The following CAST variants were observed in gnomAD, a reference collection of about 807,000 sequenced individuals.
CAST encodes the protein MIR583 host.
A neutral mutation model predicts 119.6 loss-of-function variants in CAST; 76 were observed. The observed-to-expected ratio is 0.64, with a 90% confidence interval of 0.53 to 0.77. The LOEUF (loss-of-function observed/expected upper bound fraction) is 0.77, where lower values mean the gene tolerates loss of function less well. Among genes scored for constraint, CAST ranks in the 30% least tolerant of loss-of-function variants. The pLI is 0.00. For synonymous variants in CAST, 319 were observed against 331.6 expected (o/e 0.96, Z 0.41); for missense variants, 953 against 946.5 (o/e 1.01, Z -0.09).
the CAST span, among the ~76,000 whole-genome samples, chr5:96,481,289 C>A: frequency 2.6e-5 from 4 of 152,098 alleles, no homozygotes; most frequent in African/African-American, 9.7e-5. Flanking sequence ...CCACAAATAA[C>A]CATGTCACAG....
chr5:96,631,723 G>C (rs982967103), intron 1 of CAST, among the ~76,000 whole-genome samples: 1 of 151,850 alleles, frequency 6.6e-6, no homozygotes, highest in Admixed American at 6.6e-5. Flanking sequence ...TAGTAGAGAT[G>C]GGGTTTCACC....
chr5:95,997,995 G>A, the CAST span, among the ~76,000 whole-genome samples: 1 of 130,176 alleles, frequency 7.7e-6, no homozygotes, highest in African/African-American at 3.1e-5. Flanking sequence ...TTTCCTTTGC[G>A]GGTGGAGGTG....
At chr5:96,765,094 C>T (rs1304071635) in intron 25 of CAST, 127 bp from the exon 26 acceptor site, 5 of 674,116 alleles carry the variant, frequency 7.4e-6, no homozygotes, top group South Asian at 7.1e-5. Flanking sequence ...CTCCCCTGCC[C>T]CAGCCCCAGA....
the CAST span, among the ~76,000 whole-genome samples, chr5:96,404,853 G>A: frequency 6.6e-6 from 1 of 152,154 alleles, no homozygotes; most frequent in African/African-American, 2.4e-5. Context: ...TCATAAGAAT[G>A]TTGTAAGCGT....
the CAST span, among the ~76,000 whole-genome samples, chr5:96,376,694 C>T: frequency 6.6e-6 from 1 of 152,168 alleles, no homozygotes; most frequent in Non-Finnish European, 1.5e-5. Context: ...GCCTGCCTGG[C>T]CTCCCAAAGT....
intron 1 of CAST, among the ~76,000 whole-genome samples, chr5:96,663,782 G>A (rs1234058218): frequency 3.3e-5 from 5 of 152,110 alleles, no homozygotes; most frequent in African/African-American, 9.7e-5. Context: ...ACAAAAGCGA[G>A]CTTCTCTGCA....
chr5:96,206,432 T>C, the CAST span, among the ~76,000 whole-genome samples: 1 of 152,236 alleles, frequency 6.6e-6, no homozygotes, highest in Admixed American at 6.5e-5. Context: ...TATTTACAAT[T>C]TTTGGTTTTA....
chr5:96,279,737 G>A, the CAST span, among the ~76,000 whole-genome samples: 6 of 152,184 alleles, frequency 3.9e-5, no homozygotes, highest in Admixed American at 6.5e-5. Context: ...AATAAAATAT[G>A]CTTCTTGAGA....
the CAST span, among the ~76,000 whole-genome samples, chr5:96,447,230 T>A: frequency 6.6e-6 from 1 of 152,194 alleles, no homozygotes; most frequent in Non-Finnish European, 1.5e-5. Context: ...TTGCAAGTGA[T>A]ACAGTGACAG....
the CAST span, among the ~76,000 whole-genome samples, chr5:96,166,618 G>T: frequency 0.32 from 48,905 of 151,982 alleles, 8,058 homozygotes; most frequent in Middle Eastern, 0.39. Context: ...TTATAATTAT[G>T]TTTATTTTGA....
chr5:96,575,608 CATTGG>C (rs973397339), intron 1 of CAST, among the ~76,000 whole-genome samples: 1 of 151,248 alleles, frequency 6.6e-6, no homozygotes, highest in Non-Finnish European at 1.5e-5. Context: ...TATGAATGAG[CATTGG>C]ATTTTTTCAA....
chr5:96,163,502 A>C, the CAST span, among the ~76,000 whole-genome samples: 1 of 152,246 alleles, frequency 6.6e-6, no homozygotes, highest in Non-Finnish European at 1.5e-5. Context: ...TCTGATACTT[A>C]AAATTCTTCA....
the CAST span, among the ~76,000 whole-genome samples, chr5:96,218,644 C>T: frequency 2.8e-4 from 42 of 152,244 alleles, no homozygotes; most frequent in African/African-American, 9.1e-4. Flanking sequence ...TTTATATTGC[C>T]GACCCTCCAG....
chr5:96,333,570 G>T, the CAST span, among the ~76,000 whole-genome samples: 1 of 152,124 alleles, frequency 6.6e-6, no homozygotes, highest in Admixed American at 6.5e-5. Context: ...CTGGAGTCAG[G>T]TGGGGCCAGG....
upstream of CAST, among the ~76,000 whole-genome samples, chr5:96,520,930 G>A (rs985942451): frequency 1.3e-5 from 2 of 152,108 alleles, no homozygotes; most frequent in Admixed American, 1.3e-4. Context: ...GGTGCCAGGA[G>A]CTCTATTAAA....
In CAST at chr5:96,688,195, T is replaced by C. The variant is rs532545769; in HGVS notation, c.139-7641T>C. 3.3e-5 allele frequency among the ~76,000 whole-genome samples: 5 copies of C among 152,358 alleles called. No homozygotes were observed. In the South Asian group the frequency reaches 1.0e-3, roughly 32 times the overall value. ...TACATGTTAGGATGTGTGTGTGTTTTGAGAAAATGTTTGGTCTTGACTTTA... is the reference window on the plus strand; with the variant it reads ...TACATGTTAGGATGTGTGTGTGTTTCGAGAAAATGTTTGGTCTTGACTTTA... On this transcript the variant is annotated intron_variant, in intron 2 of 31. Coordinates refer to ENST00000675179, the MANE Select transcript of CAST (RefSeq NM_001750.7).
the CAST span, among the ~76,000 whole-genome samples, chr5:96,282,094 T>G: frequency 7.2e-6 from 1 of 139,476 alleles, no homozygotes; most frequent in South Asian, 2.2e-4. Flanking sequence ...GTGGTGGTGA[T>G]GAGGGTAGAG....
the CAST span, among the ~76,000 whole-genome samples, chr5:96,296,805 C>G: frequency 6.6e-6 from 1 of 152,162 alleles, no homozygotes; most frequent in Non-Finnish European, 1.5e-5. Flanking sequence ...GAAAATGTGT[C>G]TTTGCTATCT....
the CAST span, among the ~76,000 whole-genome samples, chr5:96,427,820 CG>C: frequency 6.6e-6 from 1 of 152,114 alleles, no homozygotes; most frequent in African/African-American, 2.4e-5. Context: ...CTGCTTAGCC[CG>C]GGGACTAAGC....
Sources: gnomAD v4.1 joint callset for allele counts (sites outside exome capture counted in the v4.1 genomes callset) on GRCh38, gnomAD v4.1.1 for gene constraint, MANE v1.5 for transcripts, NCBI Gene and HGNC (gene_info 2026-07-23, HGNC 2026-07-21) for gene names.